The following LIMA1 variants were observed in gnomAD, a reference collection of about 807,000 sequenced individuals.
The protein encoded by LIMA1 is LIM domain and actin-binding protein 1.
LIMA1 carries 52 observed loss-of-function variants against 62.6 expected under a neutral mutation model. The observed-to-expected ratio is 0.83, with a 90% CI of 0.67 to 1.05. LIMA1 has a LOEUF of 1.05. LIMA1 is among the 50% of genes least tolerant of loss of function. The pLI, the probability that LIMA1 is intolerant of heterozygous loss-of-function variation, is 0.00. For synonymous variants in LIMA1, 302 were observed against 317.8 expected (o/e 0.95, Z 0.53); for missense variants, 780 against 902.2 (o/e 0.86, Z 1.74).
At chr12:50,226,567 G>A (rs144283827) in intron 3 of LIMA1, among the ~76,000 whole-genome samples, 296 of 152,220 alleles carry the variant, frequency 1.9e-3, no homozygotes, top group African/African-American at 6.8e-3. Flanking sequence ...TTCACTGGGC[G>A]CAGTGGCTCA....
chr12:50,182,929 T>G (rs1227218741), intron 9 of LIMA1, among the ~76,000 whole-genome samples: 1 of 152,124 alleles, frequency 6.6e-6, no homozygotes. Flanking sequence ...ATGGGCCAGG[T>G]GCGGTGGCTC....
intron 1 of LIMA1, among the ~76,000 whole-genome samples, chr12:50,258,167 T>TCCC (rs1942021615): frequency 1.3e-5 from 2 of 152,164 alleles, no homozygotes; most frequent in Non-Finnish European, 2.9e-5. Flanking sequence ...TGTTTTCTTT[T>TCCC]ATGGGAGAAG....
chr12:50,176,481 G>A lies in LIMA1; in HGVS notation c.*583C>T, dbSNP rs1478407596. The A allele has an allele frequency of 6.6e-6, 1 of 152,378 alleles. No homozygotes were observed. The highest frequency in any genetic ancestry group is 1.9e-4 in the East Asian group (1 of 5,200). The allele number at this position is 152,378 out of a possible 1,614,324, so 9.4% of individuals were successfully genotyped here. ...TACCTCAGGACGTCGAGTTCAGGATGTAGTTTAGAGAGCAGGACATAAAGT... is the reference window on the plus strand; with the variant it reads ...TACCTCAGGACGTCGAGTTCAGGATATAGTTTAGAGAGCAGGACATAAAGT... On this transcript the variant is annotated 3_prime_UTR_variant, in exon 11 of 11. Transcript: ENST00000341247.
At chr12:50,258,496 C>T (rs1253473392) in intron 1 of LIMA1, among the ~76,000 whole-genome samples, 1 of 151,916 alleles carries the variant, frequency 6.6e-6, no homozygotes, top group African/African-American at 2.4e-5. Flanking sequence ...AGAGTCTCCC[C>T]GTATTGTCCA....
At chr12:50,203,803 A>C (rs1391237871) in intron 6 of LIMA1, among the ~76,000 whole-genome samples, 2 of 152,216 alleles carry the variant, frequency 1.3e-5, no homozygotes, top group Non-Finnish European at 2.9e-5. Context: ...TTAGGAAAAC[A>C]GTACATCGTA....
intron 6 of LIMA1, chr12:50,201,566 G>T: frequency 1.0e-6 from 1 of 968,744 alleles, no homozygotes; most frequent in Non-Finnish European, 1.2e-6. Flanking sequence ...AAGGACACTG[G>T]GGTGAATATT....
rs1399803612 is a variant in LIMA1 at position 50,182,040 on chromosome 12, A to G, written c.1141-3T>C. 7 of 1,612,440 alleles carry G rather than the reference A, an allele frequency of 4.3e-6. No individual in the cohort carries two copies. The highest frequency in any genetic ancestry group is 5.9e-6 in the Non-Finnish European group (7 of 1,179,946). The stretch of plus-strand genomic sequence containing the variant: ...TCTCTTGCAGGTGCCTGAAACTTCT[A>G]GGAAAAACAAAAAGACAACTTTAGC... On this transcript the variant is annotated splice_polypyrimidine_tract_variant and splice_region_variant and intron_variant, in intron 9 of 10. Coordinates refer to ENST00000341247, the MANE Select transcript of LIMA1 (RefSeq NM_016357.5).
intron 1 of LIMA1, among the ~76,000 whole-genome samples, chr12:50,260,547 C>G (rs1330171591): frequency 6.6e-6 from 1 of 152,196 alleles, no homozygotes; most frequent in Non-Finnish European, 1.5e-5. Context: ...TTAACCTCTA[C>G]TCTTCAAATT....
chr12:50,221,089 T>G (rs1007061156), intron 4 of LIMA1, among the ~76,000 whole-genome samples: 1 of 152,184 alleles, frequency 6.6e-6, no homozygotes, highest in Admixed American at 6.5e-5. Context: ...AAAGAATGCT[T>G]AATATTATTA....
At chr12:50,282,730 A>G (rs1367024978) in intron 1 of LIMA1, among the ~76,000 whole-genome samples, 1 of 152,224 alleles carries the variant, frequency 6.6e-6, no homozygotes, top group Non-Finnish European at 1.5e-5. Context: ...TCTCACCAGG[A>G]TCAGCTAAAC....
chr12:50,273,559 G>A (rs907821923), intron 1 of LIMA1, among the ~76,000 whole-genome samples: 6 of 151,438 alleles, frequency 4.0e-5, no homozygotes, highest in African/African-American at 1.2e-4. Flanking sequence ...CCAGCATTAA[G>A]AAAAAAAATG....
chr12:50,258,639 C>A (rs894214299), intron 1 of LIMA1, among the ~76,000 whole-genome samples: 6 of 67,404 alleles, frequency 8.9e-5, no homozygotes, highest in African/African-American at 2.4e-4. Context: ...TCTACCTATA[C>A]TTTTTTTTTT....
At chr12:50,231,824 G>T in intron 2 of LIMA1, 114 bp from the exon 3 acceptor site, 1 of 976,652 alleles carries the variant, frequency 1.0e-6, no homozygotes, top group Non-Finnish European at 1.6e-6. Flanking sequence ...CTGCAGTGCA[G>T]TGGTGCGATC....
At position 50,177,316 on chromosome 12, in the gene LIMA1, A is replaced by G; in HGVS notation, c.2028T>C (p.Asn676=). 6.2e-7 allele frequency: 1 copy of G among 1,614,176 alleles called. No homozygotes were observed. The stretch of plus-strand genomic sequence containing the variant: ...CTGCACCATTTTCTACAAGATTCTC[A>G]TTCTCCATCTCCAAACTATGACCTT... The part of the protein sequence containing the change: ...SKEGHSLEME[N]ENLVENGADS... Residue 676 remains asparagine, a synonymous_variant, in exon 11 of 11, where the codon AAT becomes AAC. Transcript: ENST00000341247.
chr12:50,197,345 C>G (rs1444045253), intron 7 of LIMA1, among the ~76,000 whole-genome samples: 1 of 151,822 alleles, frequency 6.6e-6, no homozygotes, highest in Non-Finnish European at 1.5e-5. Flanking sequence ...GCTAGGATTA[C>G]AGGCGTGAGC....
intron 1 of LIMA1, among the ~76,000 whole-genome samples, chr12:50,280,604 G>A (rs991374058): frequency 2.0e-5 from 3 of 152,140 alleles, no homozygotes; most frequent in Non-Finnish European, 4.4e-5. Context: ...GCTGAATAAT[G>A]GATTGCTTGT....
chr12:50,202,616 T>C (rs17124532), intron 6 of LIMA1, among the ~76,000 whole-genome samples: 5,544 of 152,288 alleles, frequency 0.036, 342 homozygotes, highest in African/African-American at 0.13. Context: ...ACTTTGCTAA[T>C]TGATTTACAC....
At chr12:50,276,356 C>T (rs2138710219) in intron 1 of LIMA1, among the ~76,000 whole-genome samples, 1 of 152,254 alleles carries the variant, frequency 6.6e-6, no homozygotes, top group East Asian at 1.9e-4. Flanking sequence ...AGGGACTATC[C>T]ACATAGCCTA....
In LIMA1 at chr12:50,258,269, T is replaced by C. The variant is rs1592560714; in HGVS notation, c.-23-9495A>G. 4.6e-5 allele frequency among the ~76,000 whole-genome samples: 7 copies of C among 151,454 alleles called. No individual in the cohort carries two copies. In the South Asian group the frequency reaches 1.3e-3, roughly 27 times the overall value. On this transcript the variant is annotated intron_variant, in intron 1 of 10. Transcript: ENST00000341247. Reference sequence around the variant, plus strand: ...TGGACAAAACCAAGAATTATATGTATGTATACTGGCCCATGTATACACACT... The same window carrying C: ...TGGACAAAACCAAGAATTATATGTACGTATACTGGCCCATGTATACACACT...
Sources: gnomAD v4.1 joint callset for allele counts (sites outside exome capture counted in the v4.1 genomes callset) on GRCh38, gnomAD v4.1.1 for gene constraint, MANE v1.5 for transcripts, NCBI Gene and HGNC (gene_info 2026-07-23, HGNC 2026-07-21) for gene names.